Variants in HHAT observed in about 807,000 individuals in gnomAD.
The protein encoded by HHAT is hedgehog acyltransferase.
Under a neutral mutation model 70.8 loss-of-function variants are expected in HHAT, and 47 were observed. That is an observed-to-expected ratio of 0.66 (90% CI 0.53 to 0.85). HHAT has a LOEUF of 0.85. HHAT is among the 40% of genes least tolerant of loss of function. The pLI, the probability that HHAT is intolerant of heterozygous loss-of-function variation, is 0.00. For missense variants in HHAT, 609 were observed against 604.8 expected (o/e 1.01, Z -0.07); for synonymous variants, 228 against 247.6 (o/e 0.92, Z 0.74).
chr1:210,517,755 C>A (rs913805882), intron 9 of HHAT, among the ~76,000 whole-genome samples: 2 of 152,114 alleles, frequency 1.3e-5, no homozygotes, highest in South Asian at 2.1e-4. Context: ...CTTGATTTAA[C>A]CATTTCACAA....
At chr1:210,351,942 A>G (rs1291229475) in intron 2 of HHAT, among the ~76,000 whole-genome samples, 1 of 152,204 alleles carries the variant, frequency 6.6e-6, no homozygotes, top group Non-Finnish European at 1.5e-5. Context: ...GTAGAGGAAG[A>G]GTCTGATGGA....
chr1:210,574,042 G>A (rs950926796), intron 9 of HHAT, among the ~76,000 whole-genome samples: 1 of 152,212 alleles, frequency 6.6e-6, no homozygotes, highest in Non-Finnish European at 1.5e-5. Context: ...TTATAATTCT[G>A]TGTTGCAGAT....
intron 5 of HHAT, among the ~76,000 whole-genome samples, chr1:210,401,390 C>T (rs1269762221): frequency 6.6e-6 from 1 of 152,196 alleles, no homozygotes; most frequent in Non-Finnish European, 1.5e-5. Context: ...GCTGGGATTA[C>T]AGGTATAAGC....
chr1:210,492,535 G>A (rs2094568817), intron 8 of HHAT, among the ~76,000 whole-genome samples: 1 of 152,162 alleles, frequency 6.6e-6, no homozygotes, highest in South Asian at 2.1e-4. Flanking sequence ...ATGGTTAGGG[G>A]TTTGGAAACC....
At chr1:210,508,032 T>C (rs892150488) in intron 8 of HHAT, among the ~76,000 whole-genome samples, 4 of 149,356 alleles carry the variant, frequency 2.7e-5, no homozygotes, top group Non-Finnish European at 6.0e-5. Context: ...ACCCCATCTC[T>C]ACTAAAAATA....
At chr1:210,362,742 C>T in intron 2 of HHAT, 110 bp from the exon 3 acceptor site, 1 of 823,432 alleles carries the variant, frequency 1.2e-6, no homozygotes, top group Non-Finnish European at 2.0e-6. Flanking sequence ...CACCTTAGTC[C>T]ACTGGCTGCT....
At chr1:210,343,491 G>C (rs1361814062) in intron 1 of HHAT, among the ~76,000 whole-genome samples, 1 of 152,210 alleles carries the variant, frequency 6.6e-6, no homozygotes, top group Non-Finnish European at 1.5e-5. Flanking sequence ...GTTGAAAAGA[G>C]AGTGTGTGAG....
chr1:210,486,940 A>G (rs919915674), intron 8 of HHAT, among the ~76,000 whole-genome samples: 1 of 152,196 alleles, frequency 6.6e-6, no homozygotes, highest in African/African-American at 2.4e-5. Flanking sequence ...TGCTCTCTGA[A>G]GAATGTGAAA....
intron 11 of HHAT, among the ~76,000 whole-genome samples, chr1:210,658,940 G>A (rs1677047380): frequency 6.6e-6 from 1 of 152,200 alleles, no homozygotes; most frequent in Admixed American, 6.5e-5. Context: ...GTAAAGCAGT[G>A]TATAGAGGGA....
chr1:210,509,567 A>G (rs920682878), intron 8 of HHAT, among the ~76,000 whole-genome samples: 2 of 152,212 alleles, frequency 1.3e-5, no homozygotes, highest in African/African-American at 4.8e-5. Flanking sequence ...GCAGATGATA[A>G]TAGTATCTAT....
intron 4 of HHAT, among the ~76,000 whole-genome samples, chr1:210,391,130 G>A (rs549266558): frequency 1.3e-5 from 2 of 152,276 alleles, no homozygotes; most frequent in African/African-American, 4.8e-5. Flanking sequence ...GTGTGAAAGT[G>A]TTCCCTTTTT....
intron 11 of HHAT, among the ~76,000 whole-genome samples, chr1:210,649,803 T>C (rs1038932314): frequency 4.6e-5 from 7 of 152,086 alleles, no homozygotes; most frequent in Non-Finnish European, 8.8e-5. Context: ...GCTGAAGGGG[T>C]CATAGGTTTA....
rs575642020 is a variant in HHAT at position 210,529,948 on chromosome 1, T to C, written c.1043+16760T>C. ...TTGTTTGCAACTAAAAACTAAGTTATGTATCAGACTGTATAAATAAGCATG... is the reference window on the plus strand; with the variant it reads ...TTGTTTGCAACTAAAAACTAAGTTACGTATCAGACTGTATAAATAAGCATG... On this transcript the variant is annotated intron_variant, in intron 9 of 11. Transcript: ENST00000261458. 1.1e-4 allele frequency among the ~76,000 whole-genome samples: 16 copies of C among 152,346 alleles called. No individual in the cohort carries two copies. In the South Asian group the frequency reaches 3.3e-3, roughly 32 times the overall value.
At chr1:210,415,327 C>T (rs928268992) in intron 6 of HHAT, among the ~76,000 whole-genome samples, 1 of 152,160 alleles carries the variant, frequency 6.6e-6, no homozygotes, top group African/African-American at 2.4e-5. Flanking sequence ...CTGCCATAGA[C>T]TTCGTAGGGT....
intron 6 of HHAT, among the ~76,000 whole-genome samples, chr1:210,412,498 A>G (rs904889767): frequency 3.3e-5 from 5 of 152,172 alleles, no homozygotes; most frequent in African/African-American, 9.7e-5. Context: ...CCCAAATCCA[A>G]TGGTGAGACG....
chr1:210,348,320 C>T (rs2086693656), intron 1 of HHAT, among the ~76,000 whole-genome samples: 4 of 152,112 alleles, frequency 2.6e-5, no homozygotes, highest in Admixed American at 2.0e-4. Context: ...AGGCTGGTCT[C>T]GAACTCCTGG....
Position 210,329,563 on chromosome 1 carries a change from C to G in HHAT, c.-44+459C>G, listed in dbSNP as rs1227091255. 3 of 871,352 alleles carry G rather than the reference C, an allele frequency of 3.4e-6. No homozygotes were observed. The African/African-American group carries it at 5.4e-5, about 16-fold the overall frequency. 54.0% of individuals were successfully genotyped at this position (871,352 alleles called of 1,614,324 possible). Reference sequence around the variant, plus strand: ...TGAGTCTAACCTTCAGGTGGCAGGTCTTTATGCGGAAAAACCCTCCCGCTA... The same window carrying G: ...TGAGTCTAACCTTCAGGTGGCAGGTGTTTATGCGGAAAAACCCTCCCGCTA... On this transcript the variant is annotated intron_variant, in intron 1 of 11. Transcript: ENST00000261458.
At chr1:210,559,213 T>C (rs2148704071) in intron 9 of HHAT, among the ~76,000 whole-genome samples, 1 of 152,210 alleles carries the variant, frequency 6.6e-6, no homozygotes, top group East Asian at 1.9e-4. Context: ...AAAATAGTAA[T>C]CTAAAAGTAT....
intron 9 of HHAT, among the ~76,000 whole-genome samples, chr1:210,563,376 G>A (rs1176448851): frequency 6.6e-6 from 1 of 152,198 alleles, no homozygotes; most frequent in Non-Finnish European, 1.5e-5. Flanking sequence ...GATGGATGAT[G>A]TTAATCTGAG....
Sources: allele counts gnomAD v4.1 joint callset (sites outside exome capture counted in the v4.1 genomes callset), GRCh38; gene constraint gnomAD v4.1.1; transcripts MANE v1.5; gene names NCBI Gene and HGNC (gene_info 2026-07-23, HGNC 2026-07-21).